SCAPER: variants seen among roughly 807,000 people sequenced by gnomAD.
The protein encoded by SCAPER is S-phase cyclin A associated protein in the ER.
A neutral mutation model predicts 182.2 loss-of-function variants in SCAPER; 98 were observed. The observed-to-expected ratio is 0.54, with a 90% CI of 0.46 to 0.64. The LOEUF is 0.64. SCAPER is among the 30% of genes least tolerant of loss of function. The pLI, the probability that SCAPER is intolerant of heterozygous loss-of-function variation, is 0.00. For missense variants in SCAPER, 1,432 were observed against 1,690.0 expected, an observed-to-expected ratio of 0.85 and a Z score of 2.68; for synonymous variants, 605 against 564.6, an observed-to-expected ratio of 1.07 and a Z score of -1.01.
At chr15:76,425,794 G>C (rs756937813) in intron 26 of SCAPER, among the ~76,000 whole-genome samples, 2 of 152,138 alleles carry the variant, frequency 1.3e-5, no homozygotes, top group African/African-American at 4.8e-5. Context: ...ATGGGGTTTT[G>C]GTGTGGATGT....
At position 76,354,613 on chromosome 15, in the gene SCAPER, A is replaced by G. The variant is rs1022880596; in HGVS notation, c.3856-473T>C. ...AGACAGATCTATTCTGTATGCAGGC[A>G]GGTCCAAGAAAGAAAAGGTAATTCT... On this transcript the variant is annotated intron_variant, in intron 29 of 31. Transcript: ENST00000563290. This position sits in a 1 kb window ranked among gnomAD's most constrained non-coding sequence, Gnocchi z 4.4. The G allele has an allele frequency of 6.6e-6, 1 of 152,450 alleles. No homozygotes were observed. The highest frequency in any genetic ancestry group is 2.4e-5 in the African/African-American group (1 of 41,480). 9.4% of individuals were successfully genotyped at this position (152,450 alleles called of 1,614,324 possible). A position where few individuals can be genotyped will look rare whatever the true frequency, so the allele number is the denominator to read the frequency against.
At chr15:76,759,680 T>C (rs901465373) in intron 14 of SCAPER, among the ~76,000 whole-genome samples, 2 of 152,226 alleles carry the variant, frequency 1.3e-5, no homozygotes, top group Non-Finnish European at 1.5e-5. Flanking sequence ...TGAAAGGATA[T>C]TGAACTTTGT....
At position 76,596,533 on chromosome 15, in the gene SCAPER, A is replaced by G. The variant is rs541715548; in HGVS notation, c.2712-22249T>C. 9.1e-5 allele frequency among the ~76,000 whole-genome samples: 11 copies of G among 121,182 alleles called. 1 individual carries two copies. Among genetic ancestry groups the G allele is most frequent in the African/African-American group, 2.8e-4 (11 of 39,804 alleles). The allele number at this position is 121,182 out of a possible 152,430, so 79.5% of individuals were successfully genotyped here. A position where few individuals can be genotyped will look rare whatever the true frequency, so the allele number is the denominator to read the frequency against. ...CAAAAAAAGAAAATTTCAGGCCAAT[A>G]TCCCTGTTGAACACCGATGTGAAAA... On this transcript the variant is annotated intron_variant, in intron 22 of 31. Transcript: ENST00000563290.
At position 76,776,878 on chromosome 15, in the gene SCAPER, G is replaced by A. The variant is rs996201303; in HGVS notation, c.773-1761C>T. Among the ~76,000 whole-genome samples the A allele has an allele frequency of 3.3e-5, 5 of 152,048 alleles. 1 individual carries two copies. The highest frequency in any genetic ancestry group is 3.3e-4 in the Admixed American group (5 of 15,262). ...TTGAGTTACTAGAGTTCAAGAAGGA[G>A]AGTATAGGAAAAAGAAATACTTTTC... On this transcript the variant is annotated intron_variant, in intron 8 of 31. Transcript: ENST00000563290.
intron 21 of SCAPER, among the ~76,000 whole-genome samples, chr15:76,663,477 T>C (rs958137254): frequency 1.3e-5 from 2 of 152,052 alleles, no homozygotes; most frequent in African/African-American, 2.4e-5. Flanking sequence ...GAAACCTAAA[T>C]GTCTATCAGT....
chr15:76,740,906 G>GAT (rs2061506825), intron 15 of SCAPER, among the ~76,000 whole-genome samples: 1 of 152,060 alleles, frequency 6.6e-6, no homozygotes. Context: ...AGATTAGGAT[G>GAT]ATATACGAGT....
Position 76,589,862 on chromosome 15 carries a change from G to A in SCAPER, c.2712-15578C>T, listed in dbSNP as rs528409966. ...GCAGAGAGCCCACAGGGTTTCTGCC[G>A]TGGCCTCCTCTACCCCTGTATTTCA... is the stretch of plus-strand genomic sequence containing the variant. On this transcript the variant is annotated intron_variant, in intron 22 of 31. Coordinates refer to ENST00000563290, the MANE Select transcript of SCAPER (RefSeq NM_020843.4). 1.8e-4 allele frequency among the ~76,000 whole-genome samples: 28 copies of A among 152,240 alleles called. 1 individual carries two copies. The South Asian group carries it at 5.0e-3, about 27-fold the overall frequency.
At chr15:76,377,006 T>C (rs528003658) in intron 28 of SCAPER, among the ~76,000 whole-genome samples, 1 of 152,130 alleles carries the variant, frequency 6.6e-6, no homozygotes, top group South Asian at 2.1e-4. Flanking sequence ...TTAATAAACA[T>C]GTCAAACAGA....
chr15:76,772,580 T>C (rs2063530956), intron 9 of SCAPER, among the ~76,000 whole-genome samples: 1 of 152,006 alleles, frequency 6.6e-6, no homozygotes, highest in Non-Finnish European at 1.5e-5. Context: ...TGAAAGCATG[T>C]AGTGTCTCAT....
At chr15:76,557,611 TC>T (rs1215387820) in intron 23 of SCAPER, among the ~76,000 whole-genome samples, 5 of 152,136 alleles carry the variant, frequency 3.3e-5, no homozygotes, top group Non-Finnish European at 5.9e-5. Flanking sequence ...AAGTGCCTGC[TC>T]CCCCTTTGCC....
At chr15:76,475,593 G>A (rs768128665) in intron 24 of SCAPER, among the ~76,000 whole-genome samples, 4 of 152,150 alleles carry the variant, frequency 2.6e-5, no homozygotes, top group Admixed American at 1.3e-4. Flanking sequence ...GATTACAGGC[G>A]TGAGCCACCA....
At chr15:76,533,126 G>A (rs2043820428) in intron 23 of SCAPER, among the ~76,000 whole-genome samples, 1 of 152,188 alleles carries the variant, frequency 6.6e-6, no homozygotes. Context: ...ACTTCCTAAA[G>A]GTAGAGATTA....
At chr15:76,577,908 C>A (rs933303960) in intron 22 of SCAPER, among the ~76,000 whole-genome samples, 2 of 151,814 alleles carry the variant, frequency 1.3e-5, no homozygotes, top group Admixed American at 1.3e-4. Context: ...TCTTGAGGTC[C>A]CTGATTCCAG....
At chr15:76,422,309 T>C (rs2046105081) in intron 26 of SCAPER, among the ~76,000 whole-genome samples, 1 of 152,252 alleles carries the variant, frequency 6.6e-6, no homozygotes, top group Admixed American at 6.5e-5. Context: ...CAGTGATTTG[T>C]AGTTCTCCTT....
chr15:76,397,488 T>TG (rs1596431160), intron 27 of SCAPER, among the ~76,000 whole-genome samples: 3 of 143,460 alleles, frequency 2.1e-5, no homozygotes, highest in East Asian at 4.1e-4. Context: ...TTTTTTTTTT[T>TG]TTTTTTTTTG....
intron 2 of SCAPER, among the ~76,000 whole-genome samples, chr15:76,867,685 G>A (rs941219387): frequency 6.6e-6 from 1 of 152,164 alleles, no homozygotes; most frequent in Non-Finnish European, 1.5e-5. Context: ...CACAACTGGA[G>A]AATGTAAATC....
At chr15:76,464,727 T>C (rs2049462747) in intron 25 of SCAPER, among the ~76,000 whole-genome samples, 1 of 152,192 alleles carries the variant, frequency 6.6e-6, no homozygotes, top group African/African-American at 2.4e-5. Flanking sequence ...CAGATATCTA[T>C]TCAAGATCCC....
chr15:76,483,214 C>T (rs2051291577), intron 24 of SCAPER, among the ~76,000 whole-genome samples: 1 of 151,114 alleles, frequency 6.6e-6, no homozygotes, highest in Non-Finnish European at 1.5e-5. Flanking sequence ...AGTCAACTGA[C>T]CTTTGATAAA....
At chr15:76,694,615 C>A (rs1459342812) in intron 20 of SCAPER, among the ~76,000 whole-genome samples, 1 of 152,020 alleles carries the variant, frequency 6.6e-6, no homozygotes, top group African/African-American at 2.4e-5. Context: ...TCCCAAAAAA[C>A]ACATACCAGG....
Sources: gnomAD v4.1 joint callset for allele counts (sites outside exome capture counted in the v4.1 genomes callset) on GRCh38, gnomAD v4.1.1 for gene constraint, Gnocchi (gnomAD v3.1) non-coding constraint, MANE v1.5 for transcripts, NCBI Gene and HGNC (gene_info 2026-07-23, HGNC 2026-07-21) for gene names.